The following UGT2B7 variants were observed in gnomAD, a reference collection of about 807,000 sequenced individuals.
The protein encoded by UGT2B7 is UDP glucuronosyltransferase family 2 member B7.
Under a neutral mutation model 51.9 loss-of-function variants are expected in UGT2B7, and 51 were observed. The observed-to-expected ratio is 0.98, with a 90% CI of 0.78 to 1.24. The LOEUF is 1.24. UGT2B7 is among the 50% of genes most tolerant of loss of function. The pLI is 0.00. For synonymous variants in UGT2B7, 225 were observed against 211.6 expected (o/e 1.06, Z -0.55); for missense variants, 727 against 628.4 (o/e 1.16, Z -1.68).
intron 1 of UGT2B7, among the ~76,000 whole-genome samples, chr4:69,062,318 C>T (rs766664137): frequency 5.9e-5 from 9 of 152,244 alleles, no homozygotes; most frequent in East Asian, 1.9e-4. Flanking sequence ...AGGTAATCTC[C>T]GTGAGCTACA....
At position 69,087,473 on chromosome 4, in the gene UGT2B7, C is replaced by G. The variant is rs1412428420; in HGVS notation, c.-158-1999C>G. Among the ~76,000 whole-genome samples, 3 of 151,516 alleles carry G rather than the reference C, an allele frequency of 2.0e-5. No homozygotes were observed. The South Asian group carries it at 6.2e-4, about 31-fold the overall frequency. On this transcript the variant is annotated intron_variant, in intron 1 of 5. Coordinates refer to the UGT2B7 transcript ENST00000502942. ...ATAAAGATATAAATGGCTTATATAC[C>G]ACAATTATAGTATTAGAGTATTCTG...
At chr4:69,052,786 G>A (rs977708223) in intron 1 of UGT2B7, among the ~76,000 whole-genome samples, 4 of 151,968 alleles carry the variant, frequency 2.6e-5, no homozygotes, top group Non-Finnish European at 5.9e-5. Context: ...AAAGTAATTT[G>A]GCCTCTTGAG....
upstream of UGT2B7, among the ~76,000 whole-genome samples, chr4:69,091,780 A>T (rs1719090873): frequency 6.6e-6 from 1 of 152,174 alleles, no homozygotes; most frequent in Non-Finnish European, 1.5e-5. Flanking sequence ...TTCCAGATAA[A>T]CTCATAGAAA....
At chr4:69,063,648 A>C (rs1718407438) in intron 1 of UGT2B7, among the ~76,000 whole-genome samples, 1 of 152,186 alleles carries the variant, frequency 6.6e-6, no homozygotes, top group African/African-American at 2.4e-5. Context: ...CAGGAAAGCC[A>C]TCATAGAAAT....
At position 69,096,717 on chromosome 4, in the gene UGT2B7, C is replaced by T; in HGVS notation, c.197C>T (p.Pro66Leu). The stretch of plus-strand genomic sequence containing the variant: ...TCTTCAGCTTCCATTCTTTTTGATC[C>T]CAACAACTCATCCGCTCTTAAAATT... The part of the protein sequence containing the change: ...LASSASILFD[P>L]NNSSALKIEI... The change falls in exon 1 of 6, where the codon CCC becomes CTC. Residue 66 changes from proline (P) to leucine (L), a missense_variant. Pro to Leu is a moderately conservative substitution (Grantham distance 98). Transcript: ENST00000305231. 6.2e-7 allele frequency: 1 copy of T among 1,613,910 alleles called. No individual in the cohort carries two copies. The highest frequency in any genetic ancestry group is 1.7e-5 in the Admixed American group (1 of 59,976).
chr4:69,098,787 A>G, intron 2 of UGT2B7, 99 bp downstream of exon 2: 1 of 1,560,580 alleles, frequency 6.4e-7, no homozygotes, highest in Non-Finnish European at 8.6e-7. Context: ...CACTGAAAGA[A>G]AGATGGGAAA....
intron 1 of UGT2B7, among the ~76,000 whole-genome samples, chr4:69,084,434 T>A (rs1459717377): frequency 2.7e-5 from 4 of 145,930 alleles, no homozygotes; most frequent in South Asian, 4.4e-4. Context: ...TTGGAAAAAA[T>A]ATTTGGGAAA....
rs1719251111 is a variant in UGT2B7, at chr4:69,096,907, T to C, written c.387T>C (p.Asp129=). 6.2e-7 allele frequency: 1 copy of C among 1,611,978 alleles called. No homozygotes were observed. The highest frequency in any genetic ancestry group is 1.7e-4 in the Middle Eastern group (1 of 6,056). Residue 129 remains aspartate, a synonymous_variant, in exon 1 of 6, where the codon GAT becomes GAC. Coordinates refer to ENST00000305231, the MANE Select transcript of UGT2B7 (RefSeq NM_001074.4). ...ACATAACTAGAAAGTTCTGTAAAGA[T>C]GTAGTTTCAAATAAGAAATTTATGA... ...FGDITRKFCK[D]VVSNKKFMKK...
At chr4:69,062,114 A>G (rs1162485830) in intron 1 of UGT2B7, among the ~76,000 whole-genome samples, 2 of 152,166 alleles carry the variant, frequency 1.3e-5, no homozygotes, top group Non-Finnish European at 2.9e-5. Context: ...AGTGCTCAGT[A>G]AAGATGGAGC....
chr4:69,099,630 G>T (rs1297823711), intron 2 of UGT2B7, among the ~76,000 whole-genome samples: 1 of 151,912 alleles, frequency 6.6e-6, no homozygotes. Flanking sequence ...AAAAATAGTG[G>T]CAACTTCATA....
chr4:69,094,750 A>T (rs973485253), upstream of UGT2B7, among the ~76,000 whole-genome samples: 1 of 152,236 alleles, frequency 6.6e-6, no homozygotes, highest in Non-Finnish European at 1.5e-5. Flanking sequence ...TTCACAAAAG[A>T]TATTTTTAGC....
chr4:69,066,271 G>T (rs1473459146), intron 1 of UGT2B7: 1 of 152,124 alleles, frequency 6.6e-6, no homozygotes, highest in Non-Finnish European at 1.5e-5. Flanking sequence ...TCACACAGGT[G>T]TTAAGCCTAA....
chr4:69,077,269 T>C (rs1271694390), intron 1 of UGT2B7, among the ~76,000 whole-genome samples: 1 of 148,452 alleles, frequency 6.7e-6, no homozygotes, highest in Non-Finnish European at 1.5e-5. Context: ...TGCAGGCTCT[T>C]TTTTGGTTCC....
At chr4:69,088,132 C>G (rs893318593) in intron 1 of UGT2B7, among the ~76,000 whole-genome samples, 2 of 151,742 alleles carry the variant, frequency 1.3e-5, no homozygotes, top group African/African-American at 4.8e-5. Flanking sequence ...AATTATTTCT[C>G]TTTTTTTGCT....
chr4:69,066,751 A>T lies in UGT2B7; in HGVS notation c.-159+15149A>T, dbSNP rs183224420. On this transcript the variant is annotated intron_variant, in intron 1 of 5. Coordinates refer to the UGT2B7 transcript ENST00000502942. ...TTCAAGTGTAGTTACCTTTCACAAA[A>T]TTTTTTTTCAATAATTTTCTGGGTT... Among the ~76,000 whole-genome samples the T allele has an allele frequency of 3.4e-3, 517 of 151,980 alleles. 5 individuals are homozygous for T. Among genetic ancestry groups the T allele is most frequent in the African/African-American group, 0.012 (493 of 41,464 alleles).
At position 69,097,118 on chromosome 4, in the gene UGT2B7, G is replaced by A; in HGVS notation, c.598G>A (p.Glu200Lys). The change falls in exon 1 of 6, where the codon GAA (glutamate) becomes AAA (lysine). Residue 200 changes from glutamate (E) to lysine (K), a missense_variant. Transcript: ENST00000305231. ...TTCCTACGTACCTGTTGTTATGTCA[G>A]AATTAACTGATCAAATGACTTTCAT... ...PPSYVPVVMS[E>K]LTDQMTFMER... The A allele has an allele frequency of 6.2e-7, 1 of 1,613,650 alleles. No homozygotes were observed. The highest frequency in any genetic ancestry group is 8.5e-7 in the Non-Finnish European group (1 of 1,179,678).
chr4:69,065,835 A>G (rs543667474), intron 1 of UGT2B7, among the ~76,000 whole-genome samples: 139 of 152,310 alleles, frequency 9.1e-4, no homozygotes, highest in African/African-American at 3.2e-3. Context: ...ATTAATAAAA[A>G]TGTGTAGATC....
At position 69,112,960 on chromosome 4, in the gene UGT2B7, G is replaced by A. The variant is rs1455064679; in HGVS notation, c.*224G>A. 1.6e-5 allele frequency: 9 copies of A among 546,492 alleles called. No individual in the cohort carries two copies. The highest frequency in any genetic ancestry group is 8.9e-5 in the East Asian group (2 of 22,382). 33.9% of individuals were successfully genotyped at this position (546,492 alleles called of 1,614,324 possible). On this transcript the variant is annotated 3_prime_UTR_variant, in exon 6 of 6. Coordinates refer to ENST00000305231, the MANE Select transcript of UGT2B7 (RefSeq NM_001074.4). Reference sequence around the variant, plus strand: ...TTTGTGGCAATGAAGAAAACACTACGGAAAATAAAAAATAAGATAAAGCCT... The same window carrying A: ...TTTGTGGCAATGAAGAAAACACTACAGAAAATAAAAAATAAGATAAAGCCT...
In UGT2B7 at chr4:69,112,565, T is replaced by G; in HGVS notation, c.1419T>G (p.Ala473=). ...WIEFVMRHKG[A]KHLRVAAHDL... ...AATTTGTCATGCGCCACAAAGGAGC[T>G]AAACACCTTCGGGTTGCAGCCCACG... The change falls in exon 6 of 6, where the codon GCT becomes GCG. Residue 473 remains alanine (A), a synonymous_variant. Coordinates refer to ENST00000305231, the MANE Select transcript of UGT2B7 (RefSeq NM_001074.4). 6.2e-7 allele frequency: 1 copy of G among 1,613,984 alleles called. No individual in the cohort carries two copies. Among genetic ancestry groups the G allele is most frequent in the Non-Finnish European group, 8.5e-7 (1 of 1,179,876 alleles).
Sources: gnomAD v4.1 joint callset for allele counts (sites outside exome capture counted in the v4.1 genomes callset) on GRCh38, gnomAD v4.1.1 for gene constraint, MANE v1.5 for transcripts, NCBI Gene and HGNC (gene_info 2026-07-23, HGNC 2026-07-21) for gene names.